CDK14: variants seen among roughly 807,000 people sequenced by gnomAD.
CDK14 encodes the protein cyclin dependent kinase 14, also known as cyclin-dependent kinase 14.
In CDK14, 34 loss-of-function variants were observed where a neutral mutation model predicts 60.7. The ratio of observed to expected loss-of-function variants is 0.56; its 90% CI spans 0.43 to 0.75. The LOEUF is 0.75. CDK14 is among the 30% of genes least tolerant of loss of function. The pLI is 0.00. For missense variants in CDK14, 482 were observed against 564.1 expected (o/e 0.85, Z 1.47); for synonymous variants, 197 against 203.7 (o/e 0.97, Z 0.28).
chr7:90,963,091 G>A (rs1399504840), intron 9 of CDK14, among the ~76,000 whole-genome samples: 1 of 84,508 alleles, frequency 1.2e-5, no homozygotes, highest in Non-Finnish European at 2.8e-5. Flanking sequence ...TTAAGAGTGT[G>A]TGTGTGTGTG....
intron 14 of CDK14, among the ~76,000 whole-genome samples, chr7:91,202,602 A>G (rs899007353): frequency 2.0e-5 from 3 of 152,206 alleles, no homozygotes; most frequent in Non-Finnish European, 4.4e-5. Flanking sequence ...ATTTTCTTAA[A>G]AATTTTCCAG....
chr7:90,726,694 A>G lies in CDK14; in HGVS notation c.251A>G (p.Glu84Gly), dbSNP rs751157761. The G allele has an allele frequency of 3.1e-6, 5 of 1,613,796 alleles. No individual in the cohort carries two copies. Among genetic ancestry groups the G allele is most frequent in the Non-Finnish European group, 4.2e-6 (5 of 1,179,848 alleles). The part of the protein sequence containing the change: ...QRTQSTFDPF[E>G]KPANQVKRVH... ...ACACAGAGCACTTTTGACCCATTTG[A>G]GAAACCAGCTAATCAAGTAAAGAGG... The change falls in exon 3 of 15, where the codon GAG becomes GGG. Residue 84 changes from glutamate to glycine, a missense_variant. Coordinates refer to ENST00000380050, the MANE Select transcript of CDK14 (RefSeq NM_001287135.2).
At chr7:90,908,459 A>G (rs1307689216) in intron 7 of CDK14, among the ~76,000 whole-genome samples, 1 of 152,170 alleles carries the variant, frequency 6.6e-6, no homozygotes, top group African/African-American at 2.4e-5. Context: ...AAATGCAGAC[A>G]ATGATTGGAA....
intron 2 of CDK14, among the ~76,000 whole-genome samples, chr7:90,723,217 A>T (rs968438725): frequency 1.3e-5 from 2 of 152,188 alleles, no homozygotes; most frequent in African/African-American, 4.8e-5. Context: ...TATGATTTTT[A>T]AAAAACTGTG....
intron 14 of CDK14, among the ~76,000 whole-genome samples, chr7:91,139,082 G>T (rs1477791354): frequency 6.6e-6 from 1 of 152,084 alleles, no homozygotes; most frequent in African/African-American, 2.4e-5. Flanking sequence ...ATCCAAATTC[G>T]AGTGCCTCCA....
chr7:90,962,475 G>C (rs1794629864), intron 9 of CDK14, among the ~76,000 whole-genome samples: 1 of 151,800 alleles, frequency 6.6e-6, no homozygotes. Context: ...GACAGAGTGA[G>C]ACTCCGTCTC....
chr7:90,850,870 T>A (rs1024932259), intron 5 of CDK14, among the ~76,000 whole-genome samples: 3 of 152,152 alleles, frequency 2.0e-5, no homozygotes, highest in Admixed American at 1.3e-4. Context: ...AGCTCCCCCT[T>A]TACTTATTAC....
chr7:91,010,196 A>G (rs1322731152), intron 10 of CDK14, among the ~76,000 whole-genome samples: 3 of 152,092 alleles, frequency 2.0e-5, no homozygotes, highest in African/African-American at 4.8e-5. Context: ...GTTAGGTTGT[A>G]TAAGTCATTC....
intron 5 of CDK14, among the ~76,000 whole-genome samples, chr7:90,816,049 T>C (rs535884698): frequency 1.3e-5 from 2 of 152,236 alleles, no homozygotes; most frequent in South Asian, 4.1e-4. Context: ...CAAACCTGCA[T>C]GTTCTATACA....
chr7:91,204,101 A>G (rs543680829), intron 14 of CDK14, among the ~76,000 whole-genome samples: 6 of 152,314 alleles, frequency 3.9e-5, no homozygotes, highest in Admixed American at 2.0e-4. Context: ...ACTGCCCACA[A>G]GCAGCAAGGA....
At chr7:90,842,108 T>G (rs913727688) in intron 5 of CDK14, among the ~76,000 whole-genome samples, 3 of 152,180 alleles carry the variant, frequency 2.0e-5, no homozygotes, top group African/African-American at 4.8e-5. Flanking sequence ...CTTTAATAGC[T>G]AATTGTATCT....
At chr7:90,692,979 T>C (rs1169728448) in intron 2 of CDK14, among the ~76,000 whole-genome samples, 3 of 151,476 alleles carry the variant, frequency 2.0e-5, no homozygotes, top group African/African-American at 7.3e-5. Context: ...TTTTTGCCAG[T>C]AGGGTTCTGT....
chr7:90,805,922 G>A (rs1788809059), intron 5 of CDK14, among the ~76,000 whole-genome samples: 1 of 152,164 alleles, frequency 6.6e-6, no homozygotes, highest in South Asian at 2.1e-4. Context: ...GATCAAGACA[G>A]TATGTTATAG....
intron 2 of CDK14, among the ~76,000 whole-genome samples, chr7:90,656,199 T>C (rs1017812021): frequency 2.0e-5 from 3 of 152,162 alleles, no homozygotes; most frequent in African/African-American, 4.8e-5. Flanking sequence ...GGTATATTAA[T>C]ATCTTGAACG....
At chr7:90,673,897 A>G (rs17715882) in intron 2 of CDK14, among the ~76,000 whole-genome samples, 5,102 of 152,308 alleles carry the variant, frequency 0.033, 139 homozygotes, top group East Asian at 0.075. Context: ...CTTATTTTTC[A>G]TAGATATCAA....
intron 9 of CDK14, among the ~76,000 whole-genome samples, chr7:90,975,451 T>C (rs1396972762): frequency 1.3e-5 from 2 of 151,882 alleles, no homozygotes; most frequent in African/African-American, 4.8e-5. Flanking sequence ...CCATCCTTCA[T>C]ATAAAAACAT....
intron 4 of CDK14, among the ~76,000 whole-genome samples, chr7:90,779,078 C>T (rs1346806657): frequency 6.6e-6 from 1 of 151,842 alleles, no homozygotes; most frequent in Non-Finnish European, 1.5e-5. Flanking sequence ...ATGGTGAAAC[C>T]CCGTCTCTAC....
chr7:90,786,021 C>T lies in CDK14; in HGVS notation c.465-4552C>T, dbSNP rs1189504286. The stretch of plus-strand genomic sequence containing the variant: ...TGTGCATGGAGATATTCTCCCCACT[C>T]CTGCCCAGTGCAGTTCTTCCTGGTA... On this transcript the variant is annotated intron_variant, in intron 4 of 14. Coordinates refer to ENST00000380050, the MANE Select transcript of CDK14 (RefSeq NM_001287135.2). 2.0e-5 allele frequency among the ~76,000 whole-genome samples: 3 copies of T among 152,268 alleles called. 1 individual carries two copies. Among genetic ancestry groups the T allele is most frequent in the South Asian group, 4.1e-4 (2 of 4,826 alleles).
intron 10 of CDK14, among the ~76,000 whole-genome samples, chr7:91,026,642 G>A (rs915718060): frequency 4.6e-5 from 7 of 152,156 alleles, no homozygotes; most frequent in Non-Finnish European, 1.0e-4. Context: ...AGAGACCATC[G>A]TCTCTCCCCT....
Sources: allele counts gnomAD v4.1 joint callset (sites outside exome capture counted in the v4.1 genomes callset), GRCh38; gene constraint gnomAD v4.1.1; transcripts MANE v1.5; gene names NCBI Gene and HGNC (gene_info 2026-07-23, HGNC 2026-07-21).